Variants in HACD2 observed in about 807,000 individuals in gnomAD.
HACD2 encodes the protein 3-hydroxyacyl-CoA dehydratase 2.
HACD2 carries 15 observed loss-of-function variants against 31.0 expected under a neutral mutation model. The observed-to-expected ratio is 0.48, with a 90% confidence interval of 0.32 to 0.75. The LOEUF (loss-of-function observed/expected upper bound fraction) is 0.75, where lower values mean the gene tolerates loss of function less well. Ranked by LOEUF, HACD2 falls within the 30% of genes least tolerant of loss-of-function variation. HACD2 has a pLI of 0.03. For missense variants in HACD2, 283 were observed against 313.0 expected (o/e 0.90, Z 0.72); for synonymous variants, 115 against 122.2 (o/e 0.94, Z 0.39).
At position 123,494,979 on chromosome 3, in the gene HACD2, A is replaced by T. The variant is rs766708247; in HGVS notation, c.683-9T>A. On this transcript the variant is annotated splice_polypyrimidine_tract_variant and intron_variant, in intron 6 of 6. Coordinates refer to ENST00000383657, the MANE Select transcript of HACD2 (RefSeq NM_198402.5). ...GTATAACTGGGGAAAAACTGAAAAG[A>T]AAAGAAAAATTGGTTAAGAGGATGG... 128 of 1,532,282 alleles carry T rather than the reference A, an allele frequency of 8.4e-5. No homozygotes were observed. The highest frequency in any genetic ancestry group is 3.4e-4 in the Middle Eastern group (2 of 5,888). The allele number at this position is 1,532,282 out of a possible 1,614,324, so 94.9% of individuals were successfully genotyped here. A position where few individuals can be genotyped will look rare whatever the true frequency, so the allele number is the denominator to read the frequency against.
At chr3:123,532,159 A>C (rs1489775416) in intron 3 of HACD2, among the ~76,000 whole-genome samples, 1 of 152,216 alleles carries the variant, frequency 6.6e-6, no homozygotes, top group Non-Finnish European at 1.5e-5. Flanking sequence ...CAAAAAGCTG[A>C]TCAATACTTT....
At chr3:123,569,901 A>G (rs906946053) in intron 2 of HACD2, among the ~76,000 whole-genome samples, 1 of 147,786 alleles carries the variant, frequency 6.8e-6, no homozygotes, top group Non-Finnish European at 1.5e-5. Context: ...AGGCAGGAGA[A>G]TCGCTTGAAC....
chr3:123,509,502 CTT>C (rs10709116), intron 4 of HACD2, among the ~76,000 whole-genome samples: 5,349 of 93,466 alleles, frequency 0.057, 100 homozygotes, highest in Middle Eastern at 0.13. Flanking sequence ...CCTGTGACTT[CTT>C]TTTTTTTTTT....
intron 2 of HACD2, among the ~76,000 whole-genome samples, chr3:123,574,582 C>T (rs982099983): frequency 2.6e-5 from 4 of 151,890 alleles, no homozygotes; most frequent in African/African-American, 7.3e-5. Context: ...AAATAAGCTG[C>T]CTATTGTCTT....
At chr3:123,510,495 G>A (rs1028873960) in intron 4 of HACD2, among the ~76,000 whole-genome samples, 1 of 152,156 alleles carries the variant, frequency 6.6e-6, no homozygotes, top group Admixed American at 6.5e-5. Context: ...TGATCTGCCC[G>A]CCTTGGCCTC....
chr3:123,555,006 G>A (rs1189085347), intron 3 of HACD2, among the ~76,000 whole-genome samples: 1 of 152,114 alleles, frequency 6.6e-6, no homozygotes, highest in Non-Finnish European at 1.5e-5. Flanking sequence ...ACTTAGAGAT[G>A]TTAACAACAT....
At chr3:123,499,847 A>G (rs1320099042) in intron 6 of HACD2, among the ~76,000 whole-genome samples, 1 of 152,176 alleles carries the variant, frequency 6.6e-6, no homozygotes, top group Non-Finnish European at 1.5e-5. Context: ...CATCCTCAGA[A>G]AGTAGGGCTC....
In HACD2 at chr3:123,537,578, T is replaced by TACACACACACAC. The variant is rs201885124; in HGVS notation, c.293-9105_293-9104insGTGTGTGTGTGT. Among the ~76,000 whole-genome samples the TACACACACACAC allele has an allele frequency of 9.3e-4, 134 of 144,400 alleles. No homozygotes were observed. The Middle Eastern group carries it at 0.011, about 12-fold the overall frequency. The allele number at this position is 144,400 out of a possible 152,430, so 94.7% of individuals were successfully genotyped here. On this transcript the variant is annotated intron_variant, in intron 3 of 6. Coordinates refer to ENST00000383657, the MANE Select transcript of HACD2 (RefSeq NM_198402.5). Reference sequence around the variant, plus strand: ...GACCCTATCTCAAAACAACAACAAATACACATACACACACACACACACACA... The same window carrying TACACACACACAC: ...GACCCTATCTCAAAACAACAACAAATACACACACACACACACATACACACACACACACACACA...
Position 123,582,211 on chromosome 3 carries a change from C to T in HACD2, c.273+1G>A, listed in dbSNP as rs2056973119. 1 of 1,556,584 alleles carries T rather than the reference C, an allele frequency of 6.4e-7. No homozygotes were observed. ...TAACAACAATAAATCTCAGGACCTA[C>T]CTCCAATAAGGCTCCAGTTTGAAAG... On this transcript the variant is annotated splice_donor_variant, in intron 2 of 6. Transcript: ENST00000383657. LOFTEE classifies it high-confidence loss of function.
chr3:123,569,748 G>A (rs148057486), intron 2 of HACD2, among the ~76,000 whole-genome samples: 27,857 of 151,940 alleles, frequency 0.18, 2,698 homozygotes, highest in African/African-American at 0.2. Flanking sequence ...AGCACTTTGG[G>A]AGGCCGAGGC....
intron 4 of HACD2, among the ~76,000 whole-genome samples, chr3:123,520,830 T>C (rs1028486648): frequency 2.0e-5 from 3 of 152,220 alleles, no homozygotes; most frequent in African/African-American, 7.2e-5. Context: ...GTGTTATTCA[T>C]TAATTTAAGC....
intron 3 of HACD2, among the ~76,000 whole-genome samples, chr3:123,542,615 G>A (rs1374839200): frequency 2.0e-5 from 3 of 152,238 alleles, no homozygotes; most frequent in African/African-American, 7.2e-5. Context: ...ACTAAAGAGT[G>A]TATATATCGA....
chr3:123,537,126 T>C (rs1469967779), intron 3 of HACD2, among the ~76,000 whole-genome samples: 1 of 152,164 alleles, frequency 6.6e-6, no homozygotes, highest in Non-Finnish European at 1.5e-5. Flanking sequence ...TTAATAACAA[T>C]TTAAAAATAG....
chr3:123,522,742 TAGAA>T (rs984289883), intron 4 of HACD2, among the ~76,000 whole-genome samples: 3 of 151,426 alleles, frequency 2.0e-5, no homozygotes, highest in African/African-American at 7.3e-5. Flanking sequence ...ATATTTAAAA[TAGAA>T]AGTAACCAAA....
chr3:123,519,007 A>G (rs1456028751), intron 4 of HACD2, among the ~76,000 whole-genome samples: 1 of 151,178 alleles, frequency 6.6e-6, no homozygotes, highest in Non-Finnish European at 1.5e-5. Context: ...AAAAAAAAAA[A>G]AAAAAAAAAA....
At chr3:123,539,778 T>C (rs886529742) in intron 3 of HACD2, among the ~76,000 whole-genome samples, 6 of 151,462 alleles carry the variant, frequency 4.0e-5, no homozygotes, top group Admixed American at 1.3e-4. Context: ...GTACAATTCA[T>C]AGGGTCCATG....
At chr3:123,502,199 C>T (rs2107681086) in intron 5 of HACD2, among the ~76,000 whole-genome samples, 1 of 152,294 alleles carries the variant, frequency 6.6e-6, no homozygotes, top group African/African-American at 2.4e-5. Flanking sequence ...AAACCCATCA[C>T]AATGGCAGAA....
chr3:123,570,771 A>C (rs946960635), intron 2 of HACD2, among the ~76,000 whole-genome samples: 13 of 152,330 alleles, frequency 8.5e-5, no homozygotes, highest in African/African-American at 3.1e-4. Context: ...TGGTGCAACA[A>C]GGAATAGGAG....
At chr3:123,528,956 T>G (rs2056318196) in intron 3 of HACD2, among the ~76,000 whole-genome samples, 1 of 152,170 alleles carries the variant, frequency 6.6e-6, no homozygotes, top group Non-Finnish European at 1.5e-5. Context: ...TATTATCTAC[T>G]TGAATATTTT....
Sources: allele counts gnomAD v4.1 joint callset (sites outside exome capture counted in the v4.1 genomes callset), GRCh38; gene constraint gnomAD v4.1.1; transcripts MANE v1.5; gene names NCBI Gene and HGNC (gene_info 2026-07-23, HGNC 2026-07-21).